Variants in SAP130 observed in about 807,000 individuals in gnomAD.
SAP130 encodes the protein histone deacetylase complex subunit SAP130.
In SAP130, 16 loss-of-function variants were observed where a neutral mutation model predicts 103.2. The observed-to-expected ratio is 0.16, with a 90% CI of 0.10 to 0.24. SAP130 has a LOEUF of 0.24. Ranked by LOEUF, SAP130 falls within the 10% of genes least tolerant of loss-of-function variation. SAP130 has a pLI of 1.00. For synonymous variants in SAP130, 477 were observed against 497.0 expected, an observed-to-expected ratio of 0.96 and a Z score of 0.53; for missense variants, 990 against 1,359.7, an observed-to-expected ratio of 0.73 and a Z score of 4.28.
chr2:128,013,371 G>A (rs979223700), intron 5 of SAP130, among the ~76,000 whole-genome samples: 1 of 152,124 alleles, frequency 6.6e-6, no homozygotes. Flanking sequence ...AGTGAAACTA[G>A]CTGCTGTTTT....
At chr2:127,962,096 C>A (rs967926640) in intron 15 of SAP130, among the ~76,000 whole-genome samples, 2 of 152,128 alleles carry the variant, frequency 1.3e-5, no homozygotes, top group South Asian at 4.1e-4. Context: ...GTAAGTATTG[C>A]GAAGTTGCCT....
intron 2 of SAP130, among the ~76,000 whole-genome samples, chr2:128,018,745 C>A (rs1377669735): frequency 1.3e-5 from 2 of 150,156 alleles, no homozygotes; most frequent in African/African-American, 2.5e-5. Context: ...TGAGCCAAGC[C>A]ATGATTGTGC....
chr2:127,952,084 T>C (rs1025198415), intron 16 of SAP130, among the ~76,000 whole-genome samples: 1 of 152,192 alleles, frequency 6.6e-6, no homozygotes, highest in Non-Finnish European at 1.5e-5. Context: ...CACAACTTTC[T>C]CCTGCATCAT....
chr2:127,951,660 G>A (rs913915118), intron 16 of SAP130, among the ~76,000 whole-genome samples: 7 of 151,916 alleles, frequency 4.6e-5, no homozygotes, highest in Non-Finnish European at 1.0e-4. Context: ...TTGCTTTACT[G>A]TGCTCATTTA....
At chr2:127,977,849 G>A (rs560708375) in intron 15 of SAP130, 136 bp downstream of exon 15, 8 of 661,710 alleles carry the variant, frequency 1.2e-5, no homozygotes, top group Admixed American at 1.0e-4. Context: ...CTATGATGGC[G>A]GCTGAGAATA....
chr2:128,026,112 T>A, intron 2 of SAP130, 69 bp downstream of exon 2: 1 of 1,074,588 alleles, frequency 9.3e-7, no homozygotes, highest in Non-Finnish European at 1.4e-6. Flanking sequence ...AATCTGCTAA[T>A]TTTTAAGTTA....
rs532526625 is a variant in SAP130 at position 127,955,429 on chromosome 2, A to G, written c.2064-85T>C. ...CATCTCAGAGGATGAGTATTTGTCC[A>G]ATTATTTCTGTCCAGCACACTGCAC... On this transcript the variant is annotated intron_variant, in intron 15 of 20. Transcript: ENST00000643581. The surrounding 1 kb of genome is among the most constrained non-coding windows in gnomAD (Gnocchi z 4.9). 62 of 868,558 alleles carry G rather than the reference A, an allele frequency of 7.1e-5. No homozygotes were observed. The African/African-American group carries it at 7.8e-4, about 11-fold the overall frequency. 53.8% of individuals were successfully genotyped at this position (868,558 alleles called of 1,614,324 possible). A position where few individuals can be genotyped will look rare whatever the true frequency, so the allele number is the denominator to read the frequency against.
At chr2:127,965,814 A>C (rs974485807) in intron 15 of SAP130, among the ~76,000 whole-genome samples, 6 of 151,678 alleles carry the variant, frequency 4.0e-5, no homozygotes, top group Non-Finnish European at 8.8e-5. Flanking sequence ...GAAAAAGAAA[A>C]AGTGTAATTA....
intron 10 of SAP130, among the ~76,000 whole-genome samples, chr2:127,997,681 T>G (rs1683266175): frequency 6.6e-6 from 1 of 152,168 alleles, no homozygotes; most frequent in Admixed American, 6.5e-5. Flanking sequence ...TTTTTTTCAC[T>G]GAGCCCCATG....
At position 127,955,023 on chromosome 2, in the gene SAP130, T is replaced by C; in HGVS notation, c.2385A>G (p.Glu795=). The C allele has an allele frequency of 3.1e-6, 5 of 1,613,826 alleles. No homozygotes were observed. The highest frequency in any genetic ancestry group is 4.2e-6 in the Non-Finnish European group (5 of 1,179,816). ...TCATGATATCCATTGGTTCTACTTCTTCTTTCACTTTAATTTCAGGAACGG... is the reference window on the plus strand; with the variant it reads ...TCATGATATCCATTGGTTCTACTTCCTCTTTCACTTTAATTTCAGGAACGG... ...GPPVPEIKVK[E]EVEPMDIMRP... is the part of the protein sequence containing the mutation. Residue 795 remains glutamate, a synonymous_variant, in exon 16 of 21, where the codon GAA becomes GAG. Transcript: ENST00000643581. This position sits in a 1 kb window ranked among gnomAD's most constrained non-coding sequence, Gnocchi z 4.9.
rs1330745921 is a variant in SAP130 at position 127,989,369 on chromosome 2, T to C, written c.1780+195A>G. 6.6e-6 allele frequency among the ~76,000 whole-genome samples: 1 copy of C among 152,140 alleles called. No homozygotes were observed. The highest frequency in any genetic ancestry group is 1.5e-5 in the Non-Finnish European group (1 of 68,020). ...GCCTCAGCCTCCCAAAGTGCTGGGA[T>C]TACAGTGAGGTATATTATTTCTAAC... On this transcript the variant is annotated intron_variant, in intron 13 of 20. Transcript: ENST00000643581. The surrounding 1 kb of genome is among the most constrained non-coding windows in gnomAD (Gnocchi z 4.6).
chr2:127,965,761 G>A (rs1573678915), intron 15 of SAP130, among the ~76,000 whole-genome samples: 1 of 152,108 alleles, frequency 6.6e-6, no homozygotes, highest in South Asian at 2.1e-4. Flanking sequence ...CTGCACTCCA[G>A]ACTGGGCGAC....
Position 128,017,910 on chromosome 2 carries a change from CATT to C in SAP130, c.115_117del (p.Asn39del), listed in dbSNP as rs766951722. On this transcript the variant is annotated inframe_deletion and splice_region_variant, in exon 3 of 21. Coordinates refer to ENST00000643581, the MANE Select transcript of SAP130 (RefSeq NM_001330301.2). The stretch of plus-strand genomic sequence containing the variant: ...ACTTCAGAATCTCGACCAGATTCAT[CATT>C]GACTAGTAAAGACATTAAGAGTGAG... 6.8e-6 allele frequency: 11 copies of C among 1,613,190 alleles called. No individual in the cohort carries two copies. The African/African-American group carries it at 1.2e-4, about 18-fold the overall frequency.
chr2:127,972,045 T>C (rs1227230964), intron 15 of SAP130, among the ~76,000 whole-genome samples: 1 of 152,242 alleles, frequency 6.6e-6, no homozygotes, highest in Non-Finnish European at 1.5e-5. Flanking sequence ...CAGCTAGTTA[T>C]TTCTTCACAA....
At chr2:127,958,500 T>C (rs149330991) in intron 15 of SAP130, among the ~76,000 whole-genome samples, 2 of 152,312 alleles carry the variant, frequency 1.3e-5, no homozygotes, top group African/African-American at 4.8e-5. Flanking sequence ...AATGAACACA[T>C]AAGATATAAA....
chr2:127,988,294 T>G (rs1456638331), intron 13 of SAP130, among the ~76,000 whole-genome samples: 2 of 151,656 alleles, frequency 1.3e-5, no homozygotes, highest in Non-Finnish European at 2.9e-5. Context: ...TGTGGTGGCA[T>G]GCACTTGTAG....
intron 12 of SAP130, among the ~76,000 whole-genome samples, chr2:127,992,336 A>G (rs1682868036): frequency 6.7e-6 from 1 of 149,352 alleles, no homozygotes; most frequent in Non-Finnish European, 1.5e-5. Context: ...ACTGGAGTGC[A>G]GTGGCACAAT....
intron 14 of SAP130, among the ~76,000 whole-genome samples, chr2:127,982,593 AAG>A (rs1330451247): frequency 1.3e-5 from 2 of 152,340 alleles, no homozygotes; most frequent in African/African-American, 2.4e-5. Flanking sequence ...GGAGTGGTGC[AAG>A]AGAGTATACT....
At position 128,010,376 on chromosome 2, in the gene SAP130, G is replaced by C; in HGVS notation, c.762C>G (p.Thr254=). ...HQPIQSRPPV[T]TSNAIPPAVV... Reference sequence around the variant, plus strand: ...CAGCAGGAGGGATGGCATTGGAGGTGGTCACAGGTGGCCGAGACTACCAAA... The same window carrying C: ...CAGCAGGAGGGATGGCATTGGAGGTCGTCACAGGTGGCCGAGACTACCAAA... The change falls in exon 7 of 21, where the codon ACC becomes ACG. Residue 254 remains threonine, a synonymous_variant. Coordinates refer to ENST00000643581, the MANE Select transcript of SAP130 (RefSeq NM_001330301.2). The C allele has an allele frequency of 6.2e-7, 1 of 1,612,100 alleles. No homozygotes were observed.
Sources: allele counts gnomAD v4.1 joint callset (sites outside exome capture counted in the v4.1 genomes callset), GRCh38; gene constraint gnomAD v4.1.1; non-coding constraint Gnocchi (gnomAD v3.1); transcripts MANE v1.5; gene names NCBI Gene and HGNC (gene_info 2026-07-23, HGNC 2026-07-21).